FRMD4B: variants seen among roughly 807,000 people sequenced by gnomAD.
FRMD4B encodes the protein FERM domain containing 4B.
In FRMD4B, 74 loss-of-function variants were observed where a neutral mutation model predicts 141.5. That is an observed-to-expected ratio of 0.52 (90% CI 0.43 to 0.63). FRMD4B has a LOEUF of 0.63. Ranked by LOEUF, FRMD4B falls within the 30% of genes least tolerant of loss-of-function variation. FRMD4B has a pLI of 0.00. For missense variants in FRMD4B, 1,366 were observed against 1,253.4 expected (o/e 1.09, Z -1.36); for synonymous variants, 506 against 467.9 (o/e 1.08, Z -1.05).
intron 5 of FRMD4B, among the ~76,000 whole-genome samples, chr3:69,267,626 TATATATATATAGAGAGAGAGAGAG>T (rs1559765412): frequency 0.014 from 197 of 13,798 alleles, no homozygotes; most frequent in South Asian, 0.027. Context: ...TATATATATA[TATATATATATAGAGAGAGAGAGAG>T]AGAGAGAGAG....
intron 7 of FRMD4B, among the ~76,000 whole-genome samples, chr3:69,229,613 C>T (rs1033255525): frequency 6.6e-6 from 1 of 152,144 alleles, no homozygotes; most frequent in African/African-American, 2.4e-5. Context: ...ATGAGTTAAA[C>T]TCTTCAACAA....
chr3:69,496,948 C>T (rs2107047403), intron 1 of FRMD4B, among the ~76,000 whole-genome samples: 1 of 151,944 alleles, frequency 6.6e-6, no homozygotes, highest in Admixed American at 6.5e-5. Context: ...TAACAGCTTG[C>T]TTCCCCATCC....
chr3:69,402,727 G>T (rs1704586295), intron 2 of FRMD4B, among the ~76,000 whole-genome samples: 1 of 152,146 alleles, frequency 6.6e-6, no homozygotes, highest in Non-Finnish European at 1.5e-5. Context: ...AAGCAACCCA[G>T]ATTATAGACA....
At chr3:69,218,597 G>A (rs2093163665) in intron 9 of FRMD4B, among the ~76,000 whole-genome samples, 1 of 152,122 alleles carries the variant, frequency 6.6e-6, no homozygotes. Context: ...ATTTCATAAA[G>A]CTATAGAAAA....
intron 3 of FRMD4B, among the ~76,000 whole-genome samples, chr3:69,307,975 T>C (rs1701448881): frequency 6.6e-6 from 1 of 152,178 alleles, no homozygotes. Context: ...TGTTCATGCA[T>C]TTGCCCACAA....
chr3:69,511,002 T>C lies in FRMD4B; in HGVS notation c.-129+31204A>G, dbSNP rs1027373556. ...ATTTACATGTGGGGTCATTTATAAATAGAGTACTTTATTAAGCTCATAAAG... is the reference window on the plus strand; with the variant it reads ...ATTTACATGTGGGGTCATTTATAAACAGAGTACTTTATTAAGCTCATAAAG... On this transcript the variant is annotated intron_variant, in intron 1 of 5. Transcript: ENST00000459638. Among the ~76,000 whole-genome samples the C allele has an allele frequency of 2.0e-5, 3 of 152,212 alleles. No homozygotes were observed. In the South Asian group the frequency reaches 6.2e-4, roughly 32 times the overall value.
At chr3:69,280,350 G>C (rs1396776826) in intron 5 of FRMD4B, among the ~76,000 whole-genome samples, 1 of 152,096 alleles carries the variant, frequency 6.6e-6, no homozygotes, top group African/African-American at 2.4e-5. Flanking sequence ...TGAAATGCTT[G>C]ACCCACAGTT....
At chr3:69,429,928 T>C (rs1026317291) in intron 2 of FRMD4B, among the ~76,000 whole-genome samples, 13 of 151,592 alleles carry the variant, frequency 8.6e-5, no homozygotes, top group Admixed American at 7.9e-4. Flanking sequence ...TCTGGCTAAT[T>C]TTTGTATTTT....
At chr3:69,527,510 G>A (rs1386006647) in intron 1 of FRMD4B, among the ~76,000 whole-genome samples, 1 of 152,170 alleles carries the variant, frequency 6.6e-6, no homozygotes, top group African/African-American at 2.4e-5. Context: ...GAAAACCAAA[G>A]TCATTCTGTT....
At chr3:69,539,026 T>C (rs1007354182) in intron 1 of FRMD4B, among the ~76,000 whole-genome samples, 1 of 152,180 alleles carries the variant, frequency 6.6e-6, no homozygotes, top group Admixed American at 6.5e-5. Flanking sequence ...CTCCCGAACA[T>C]ATAAAAATAG....
intron 1 of FRMD4B, among the ~76,000 whole-genome samples, chr3:69,322,447 TTAAG>T (rs1702029301): frequency 6.6e-6 from 1 of 152,170 alleles, no homozygotes; most frequent in Non-Finnish European, 1.5e-5. Flanking sequence ...GACTTCTTTT[TTAAG>T]TGTCAATAAA....
At chr3:69,485,999 A>T (rs1706209109) in intron 1 of FRMD4B, among the ~76,000 whole-genome samples, 1 of 152,236 alleles carries the variant, frequency 6.6e-6, no homozygotes, top group South Asian at 2.1e-4. Context: ...AGATGATTCT[A>T]GATTGAGATA....
intron 11 of FRMD4B, chr3:69,201,008 G>A (rs1328579089): frequency 1.3e-5 from 4 of 317,084 alleles, no homozygotes; most frequent in Non-Finnish European, 2.6e-5. Context: ...CCTGCATTGA[G>A]AGCAAATACG....
intron 1 of FRMD4B, among the ~76,000 whole-genome samples, chr3:69,539,804 A>T (rs1701137553): frequency 6.6e-6 from 1 of 152,100 alleles, no homozygotes. Context: ...ACCTTTTAGG[A>T]AATGTAAGCA....
Position 69,428,833 on chromosome 3 carries a change from A to G in FRMD4B, c.-1+3801T>C, listed in dbSNP as rs1705128157. On this transcript the variant is annotated intron_variant, in intron 2 of 5. Coordinates refer to the FRMD4B transcript ENST00000459638. ...CTCAAACTGAAACTCTGTGCCCACTAAAATGTAACTCCCCATTCCCTCTTC... is the reference window on the plus strand; with the variant it reads ...CTCAAACTGAAACTCTGTGCCCACTGAAATGTAACTCCCCATTCCCTCTTC... 2.0e-5 allele frequency among the ~76,000 whole-genome samples: 3 copies of G among 152,304 alleles called. No homozygotes were observed. The East Asian group carries it at 5.8e-4, about 29-fold the overall frequency.
chr3:69,183,216 G>A (rs1291681117), intron 19 of FRMD4B, among the ~76,000 whole-genome samples: 1 of 152,194 alleles, frequency 6.6e-6, no homozygotes, highest in Non-Finnish European at 1.5e-5. Flanking sequence ...AATGGGTGTG[G>A]CTGTGTTCCA....
Position 69,176,591 on chromosome 3 carries a change from T to C in FRMD4B, c.2917A>G (p.Thr973Ala). The C allele has an allele frequency of 6.2e-7, 1 of 1,607,834 alleles. No homozygotes were observed. Among genetic ancestry groups the C allele is most frequent in the Non-Finnish European group, 8.5e-7 (1 of 1,174,374 alleles). The stretch of plus-strand genomic sequence containing the variant: ...CTGGTGTAAGAAGAATGTGCTGGAG[T>C]CTCGTAATCCGACAGCCCTATGGTT... ...QLTIGLSDYE[T>A]PAHSSYTSCY... The change falls in exon 22 of 23, where the codon ACT (threonine) becomes GCT (alanine). Residue 973 changes from threonine to alanine, a missense_variant. Thr to Ala is a moderately conservative substitution (Grantham distance 58). Coordinates refer to ENST00000398540, the MANE Select transcript of FRMD4B (RefSeq NM_015123.3).
intron 5 of FRMD4B, among the ~76,000 whole-genome samples, chr3:69,277,533 T>C (rs1409426117): frequency 7.4e-6 from 1 of 135,734 alleles, no homozygotes; most frequent in African/African-American, 2.8e-5. Context: ...TTTTTTTTTT[T>C]TTTTTTTTTT....
chr3:69,278,648 G>A (rs971130768), intron 5 of FRMD4B, among the ~76,000 whole-genome samples: 2 of 149,600 alleles, frequency 1.3e-5, no homozygotes, highest in Non-Finnish European at 3.0e-5. Context: ...GTGCAGCAGC[G>A]CAATCTCGGC....
Sources: allele counts gnomAD v4.1 joint callset (sites outside exome capture counted in the v4.1 genomes callset), GRCh38; gene constraint gnomAD v4.1.1; transcripts MANE v1.5; gene names NCBI Gene and HGNC (gene_info 2026-07-23, HGNC 2026-07-21).